The following PDPR variants were observed in gnomAD, a reference collection of about 807,000 sequenced individuals.
PDPR encodes pyruvate dehydrogenase phosphatase regulatory subunit.
In PDPR, 50 loss-of-function variants were observed where a neutral mutation model predicts 102.2. The observed-to-expected ratio is 0.49, with a 90% CI of 0.39 to 0.62. The LOEUF is 0.62. PDPR is among the 20% of genes least tolerant of loss of function. The probability of loss-of-function intolerance (pLI) is 0.00; values close to 1 mark genes in which losing one functional copy is unlikely to be tolerated. For missense variants in PDPR, 625 were observed against 1,098.2 expected, an observed-to-expected ratio of 0.57 and a Z score of 6.09; for synonymous variants, 259 against 406.0, an observed-to-expected ratio of 0.64 and a Z score of 4.35.
intron 11 of PDPR, among the ~76,000 whole-genome samples, chr16:70,140,682 G>A (rs1179589078): frequency 6.6e-6 from 1 of 152,220 alleles, no homozygotes; most frequent in East Asian, 1.9e-4. Flanking sequence ...AGATGTGGTG[G>A]TACGTGCCTG....
chr16:70,159,937 A>AT lies in PDPR; in HGVS notation c.*3062dup, dbSNP rs1345960401. On this transcript the variant is annotated 3_prime_UTR_variant, in exon 19 of 19. Transcript: ENST00000288050. ...TCTTCTGTCCCTAGAGATTTGAAGGATTTTGGACTCTTGTGAATGGGTGAC... is the reference window on the plus strand; with the variant it reads ...TCTTCTGTCCCTAGAGATTTGAAGGATTTTTGGACTCTTGTGAATGGGTGAC... 6.5e-6 allele frequency: 1 copy of AT among 153,094 alleles called. No individual in the cohort carries two copies. The highest frequency in any genetic ancestry group is 2.4e-5 in the African/African-American group (1 of 41,486). The allele number at this position is 153,094 out of a possible 1,614,324, so 9.5% of individuals were successfully genotyped here.
chr16:70,138,207 A>ATTTTT lies in PDPR; in HGVS notation c.1191-668_1191-664dup, dbSNP rs1201065640. 1.8e-4 allele frequency among the ~76,000 whole-genome samples: 17 copies of ATTTTT among 94,044 alleles called. 1 individual carries two copies. The highest frequency in any genetic ancestry group is 6.9e-4 in the South Asian group (2 of 2,910). The allele number at this position is 94,044 out of a possible 152,430, so 61.7% of individuals were successfully genotyped here. On this transcript the variant is annotated intron_variant, in intron 10 of 18. Transcript: ENST00000288050. ...CAGGCATGTGCCACCACGCCGGCTA[A>ATTTTT]TTTTTTTTTTTTTTTTTTTTTTTTT...
At chr16:70,119,241 A>G (rs1161842841) in intron 2 of PDPR, among the ~76,000 whole-genome samples, 2 of 152,088 alleles carry the variant, frequency 1.3e-5, no homozygotes, top group Non-Finnish European at 2.9e-5. Context: ...TGGGAGGATC[A>G]CTTGAGCCTA....
chr16:70,154,814 A>G (rs1230090650), intron 18 of PDPR, among the ~76,000 whole-genome samples: 1 of 152,204 alleles, frequency 6.6e-6, no homozygotes, highest in African/African-American at 2.4e-5. Context: ...ATTTTTTTGT[A>G]TTTTGGTAAA....
chr16:70,116,872 C>T (rs2152054828), intron 2 of PDPR, among the ~76,000 whole-genome samples: 1 of 152,134 alleles, frequency 6.6e-6, no homozygotes, highest in East Asian at 1.9e-4. Context: ...CACCTTAAAA[C>T]TCATCTGTTA....
At chr16:70,163,172 C>T (rs1341439288), downstream of PDPR, among the ~76,000 whole-genome samples, 1 of 152,250 alleles carries the variant, frequency 6.6e-6, no homozygotes, top group Non-Finnish European at 1.5e-5. Context: ...GGTCTCAAAC[C>T]CCCAACCTCA....
At chr16:70,151,017 C>A (rs556989088) in intron 17 of PDPR, among the ~76,000 whole-genome samples, 1 of 152,250 alleles carries the variant, frequency 6.6e-6, no homozygotes, top group Admixed American at 6.5e-5. Flanking sequence ...TCACTGCAAG[C>A]CCCACCTCCT....
chr16:70,133,619 C>T (rs1435087202), intron 9 of PDPR, among the ~76,000 whole-genome samples: 5 of 151,754 alleles, frequency 3.3e-5, no homozygotes, highest in Non-Finnish European at 7.4e-5. Flanking sequence ...GATTTTACCA[C>T]GTTGGCCAGG....
At chr16:70,154,038 G>GTT (rs1966867470) in intron 18 of PDPR, among the ~76,000 whole-genome samples, 1 of 152,266 alleles carries the variant, frequency 6.6e-6, no homozygotes, top group Admixed American at 6.5e-5. Context: ...AATTAGCCGG[G>GTT]TGTGGTTGCG....
In PDPR at chr16:70,158,265, T is replaced by C. The variant is rs1967440516; in HGVS notation, c.*1386T>C. 1 of 152,464 alleles carries C rather than the reference T, an allele frequency of 6.6e-6. No homozygotes were observed. 9.4% of individuals were successfully genotyped at this position (152,464 alleles called of 1,614,324 possible). ...CAATGCTTCATTTTCCCCTTGCATA[T>C]CAACTGCCCTAATCTGACTTTTTTT... On this transcript the variant is annotated 3_prime_UTR_variant, in exon 19 of 19. Transcript: ENST00000288050.
chr16:70,135,924 C>T lies in PDPR; in HGVS notation c.998-270C>T, dbSNP rs1327514623. On this transcript the variant is annotated intron_variant, in intron 9 of 18. Coordinates refer to ENST00000288050, the MANE Select transcript of PDPR (RefSeq NM_017990.5). The stretch of plus-strand genomic sequence containing the variant: ...CTCTACTAAAAATACAAAAAATTAG[C>T]TGGGCATGGTGGTGCACGCCTGTAA... Among the ~76,000 whole-genome samples the T allele has an allele frequency of 3.9e-5, 6 of 152,334 alleles. No individual in the cohort carries two copies. In the South Asian group the frequency reaches 1.2e-3, roughly 32 times the overall value.
intron 17 of PDPR, among the ~76,000 whole-genome samples, chr16:70,150,974 G>A (rs546925458): frequency 2.0e-5 from 3 of 152,262 alleles, no homozygotes; most frequent in Non-Finnish European, 2.9e-5. Flanking sequence ...TCCCACTGTC[G>A]CCCAGGCTGG....
At chr16:70,124,810 A>G (rs1461751067) in intron 3 of PDPR, among the ~76,000 whole-genome samples, 1 of 152,226 alleles carries the variant, frequency 6.6e-6, no homozygotes, top group Non-Finnish European at 1.5e-5. Context: ...GGAAAATATA[A>G]TTATTAGAGT....
chr16:70,141,317 T>C (rs564502651), intron 11 of PDPR, among the ~76,000 whole-genome samples: 49 of 152,364 alleles, frequency 3.2e-4, no homozygotes, highest in African/African-American at 1.1e-3. Context: ...CTCTCAGTGC[T>C]GGGTTTACAG....
At chr16:70,144,286 T>C in intron 14 of PDPR, 135 bp from the exon 15 acceptor site, 1 of 382,080 alleles carries the variant, frequency 2.6e-6, no homozygotes, top group South Asian at 2.2e-5. Context: ...AGAATGGTGC[T>C]ACTGGCCTTC....
chr16:70,120,429 T>C lies in PDPR; in HGVS notation c.-32-32T>C, dbSNP rs954852236. On this transcript the variant is annotated intron_variant, in intron 2 of 18. Coordinates refer to ENST00000288050, the MANE Select transcript of PDPR (RefSeq NM_017990.5). Reference sequence around the variant, plus strand: ...CATTAATCCCATGCACTGAGTAGAATGGCATGAAATATGTTTGGTTTCTCT... The same window carrying C: ...CATTAATCCCATGCACTGAGTAGAACGGCATGAAATATGTTTGGTTTCTCT... 11 of 1,083,924 alleles carry C rather than the reference T, an allele frequency of 1.0e-5. No individual in the cohort carries two copies. In the African/African-American group the frequency reaches 1.4e-4, roughly 14 times the overall value. The allele number at this position is 1,083,924 out of a possible 1,614,324, so 67.1% of individuals were successfully genotyped here. A position where few individuals can be genotyped will look rare whatever the true frequency, so the allele number is the denominator to read the frequency against.
Position 70,134,039 on chromosome 16 carries a change from T to A in PDPR, c.997+1739T>A, listed in dbSNP as rs2152086514. On this transcript the variant is annotated intron_variant, in intron 9 of 18. Transcript: ENST00000288050. ...TGAGCCACCATGCCCGGCCCCTGCTTATTCTTTATTCACCTAAAATTATTG... is the reference window on the plus strand; with the variant it reads ...TGAGCCACCATGCCCGGCCCCTGCTAATTCTTTATTCACCTAAAATTATTG... Among the ~76,000 whole-genome samples the A allele has an allele frequency of 2.6e-5, 4 of 152,304 alleles. No individual in the cohort carries two copies. In the South Asian group the frequency reaches 8.3e-4, roughly 32 times the overall value.
intron 9 of PDPR, among the ~76,000 whole-genome samples, chr16:70,132,975 G>A (rs1383647063): frequency 6.6e-6 from 1 of 152,176 alleles, no homozygotes; most frequent in Non-Finnish European, 1.5e-5. Context: ...ACCATGCCTA[G>A]CTAATGTTTA....
chr16:70,124,054 C>CAAA (rs11428362), intron 3 of PDPR, among the ~76,000 whole-genome samples: 33 of 143,314 alleles, frequency 2.3e-4, no homozygotes, highest in African/African-American at 8.6e-4. Flanking sequence ...GACTCAGTCT[C>CAAA]AAAAAAAAAA....
Sources: allele counts gnomAD v4.1 joint callset (sites outside exome capture counted in the v4.1 genomes callset), GRCh38; gene constraint gnomAD v4.1.1; transcripts MANE v1.5; gene names NCBI Gene and HGNC (gene_info 2026-07-23, HGNC 2026-07-21).